ARHGEF12: variants seen among roughly 807,000 people sequenced by gnomAD.
ARHGEF12 encodes KMT2A/ARHGEF12 fusion protein.
A neutral mutation model predicts 211.2 loss-of-function variants in ARHGEF12; 66 were observed. The observed-to-expected ratio is 0.31, with a 90% confidence interval of 0.26 to 0.38. The LOEUF (loss-of-function observed/expected upper bound fraction) is 0.38. ARHGEF12 is among the 10% of genes least tolerant of loss of function. The probability of loss-of-function intolerance (pLI) is 1.00; values close to 1 mark genes in which losing one functional copy is unlikely to be tolerated. For synonymous variants in ARHGEF12, 592 were observed against 638.4 expected, an observed-to-expected ratio of 0.93 and a Z score of 1.09; for missense variants, 1,429 against 1,869.5, an observed-to-expected ratio of 0.76 and a Z score of 4.34.
At chr11:120,410,164 A>G (rs1176128868) in intron 4 of ARHGEF12, 1 of 152,172 alleles carries the variant, frequency 6.6e-6, no homozygotes, top group Non-Finnish European at 1.5e-5. Context: ...TAATATTTCT[A>G]GACTGTGTCC....
intron 7 of ARHGEF12, among the ~76,000 whole-genome samples, chr11:120,427,856 G>A (rs555960297): frequency 3.1e-4 from 47 of 151,928 alleles, no homozygotes; most frequent in Middle Eastern, 3.4e-3. Flanking sequence ...ATCTGAAAAC[G>A]GCATCATTCT....
At chr11:120,395,249 A>G (rs1944347191) in intron 1 of ARHGEF12, among the ~76,000 whole-genome samples, 1 of 152,002 alleles carries the variant, frequency 6.6e-6, no homozygotes, top group Admixed American at 6.6e-5. Flanking sequence ...GTGTGTATGT[A>G]TGTGTGTGTA....
chr11:120,406,615 G>T (rs1267537257), intron 2 of ARHGEF12, among the ~76,000 whole-genome samples: 2 of 152,090 alleles, frequency 1.3e-5, no homozygotes, highest in African/African-American at 4.8e-5. Flanking sequence ...CTGGAGTGCA[G>T]TGGCGCGATC....
At chr11:120,472,741 G>A (rs561937813) in intron 30 of ARHGEF12, among the ~76,000 whole-genome samples, 1 of 151,724 alleles carries the variant, frequency 6.6e-6, no homozygotes, top group South Asian at 2.1e-4. Context: ...TGCAAGCTCC[G>A]CCTCCCAGGT....
chr11:120,487,175 C>T lies in ARHGEF12; in HGVS notation c.*2098C>T, dbSNP rs374203951. On this transcript the variant is annotated 3_prime_UTR_variant, in exon 41 of 41. Coordinates refer to ENST00000397843, the MANE Select transcript of ARHGEF12 (RefSeq NM_015313.3). ...CACACTACAGGGTAATTATGTAATT[C>T]TCTAGCACTCAATTAAGAAGCTTGT... 1.6e-4 allele frequency: 36 copies of T among 218,430 alleles called. No individual in the cohort carries two copies. In the East Asian group the frequency reaches 2.1e-3, roughly 13 times the overall value. The allele number at this position is 218,430 out of a possible 1,614,324, so 13.5% of individuals were successfully genotyped here.
intron 34 of ARHGEF12, 67 bp from the exon 35 acceptor site, chr11:120,477,152 T>C: frequency 7.7e-7 from 1 of 1,300,872 alleles, no homozygotes; most frequent in Non-Finnish European, 1.1e-6. Flanking sequence ...TTTTGCTTTC[T>C]GAGTATATTT....
intron 24 of ARHGEF12, 90 bp from the exon 25 acceptor site, chr11:120,457,990 G>C: frequency 6.9e-7 from 1 of 1,439,454 alleles, no homozygotes; most frequent in Admixed American, 2.4e-5. Flanking sequence ...TCAGGAATCT[G>C]ATTAGAATTT....
chr11:120,449,359 G>A (rs919543061), intron 21 of ARHGEF12, 145 bp downstream of exon 21: 9 of 652,956 alleles, frequency 1.4e-5, no homozygotes, highest in Admixed American at 3.0e-5. Context: ...TCCATTCAGC[G>A]TTATTTCTGA....
At position 120,465,003 on chromosome 11, in the gene ARHGEF12, C is replaced by CT. The variant is rs1555119827; in HGVS notation, c.2614-234_2614-233insT. 707 of 476,728 alleles carry CT rather than the reference C, an allele frequency of 1.5e-3. 14 individuals are homozygous for CT. Among genetic ancestry groups the CT allele is most frequent in the Non-Finnish European group, 2.8e-4 (79 of 277,676 alleles). 29.5% of individuals were successfully genotyped at this position (476,728 alleles called of 1,614,324 possible). On this transcript the variant is annotated intron_variant, in intron 27 of 40. Transcript: ENST00000397843. Reference sequence around the variant, plus strand: ...CCTGGGCGACAGAGCAACACTGTCTCAAAAAAAAGAAAAAAAAAAGAAGAA... The same window carrying CT: ...CCTGGGCGACAGAGCAACACTGTCTCTAAAAAAAAGAAAAAAAAAAGAAGAA...
chr11:120,342,367 CT>C (rs1306949906), intron 1 of ARHGEF12, among the ~76,000 whole-genome samples: 1 of 152,160 alleles, frequency 6.6e-6, no homozygotes, highest in African/African-American at 2.4e-5. Context: ...TTACGTCTAA[CT>C]TTTCTTTTAA....
At chr11:120,390,643 T>A (rs1944183451) in intron 1 of ARHGEF12, among the ~76,000 whole-genome samples, 1 of 152,198 alleles carries the variant, frequency 6.6e-6, no homozygotes, top group African/African-American at 2.4e-5. Context: ...CCTAAGTATC[T>A]TGTCATTATA....
At chr11:120,431,664 T>C in intron 10 of ARHGEF12, 107 bp from the exon 11 acceptor site, 51 of 1,235,720 alleles carry the variant, frequency 4.1e-5, no homozygotes, top group Admixed American at 7.0e-5. Flanking sequence ...GTCCAACTTT[T>C]AGTAGTCTCC....
At chr11:120,467,341 GAAC>G (rs763876023) in intron 29 of ARHGEF12, 33 bp downstream of exon 29, 18 of 1,375,008 alleles carry the variant, frequency 1.3e-5, no homozygotes, top group Non-Finnish European at 1.8e-5. Flanking sequence ...AAAAGCTTAA[GAAC>G]AACAACAACG....
At chr11:120,370,830 CA>C in intron 1 of ARHGEF12, among the ~76,000 whole-genome samples, 1 of 151,902 alleles carries the variant, frequency 6.6e-6, no homozygotes, top group African/African-American at 2.4e-5. Flanking sequence ...AACCTCCTTT[CA>C]TTTTTTTTTT....
rs55651421 is a variant in ARHGEF12 at position 120,347,270 on chromosome 11, CTGTGTGTGTGTGTG to C, written c.32+10019_32+10032del. ...TTTCTCTCTCTCTCTCTCTCTCTGT[CTGTGTGTGTGTGTG>C]TGTGTGTGTGTGTGTGTGTGTGTAG... is the stretch of plus-strand genomic sequence containing the variant. On this transcript the variant is annotated intron_variant, in intron 1 of 40. Transcript: ENST00000397843. Among the ~76,000 whole-genome samples, 14 of 79,878 alleles carry C rather than the reference CTGTGTGTGTGTGTG, an allele frequency of 1.8e-4. 1 individual carries two copies. The highest frequency in any genetic ancestry group is 1.6e-3 in the South Asian group (5 of 3,108). 52.4% of individuals were successfully genotyped at this position (79,878 alleles called of 152,430 possible). A position where few individuals can be genotyped will look rare whatever the true frequency, so the allele number is the denominator to read the frequency against.
chr11:120,379,490 A>G lies in ARHGEF12; in HGVS notation c.33-26628A>G, dbSNP rs551449966. 2.4e-3 allele frequency among the ~76,000 whole-genome samples: 365 copies of G among 152,068 alleles called. 1 individual carries two copies. The highest frequency in any genetic ancestry group is 8.4e-3 in the African/African-American group (349 of 41,524). Reference sequence around the variant, plus strand: ...TTTCATTGTTCTCAATCTTATGGAAAGCATTCAGTATTTTACCATTAAGTA... The same window carrying G: ...TTTCATTGTTCTCAATCTTATGGAAGGCATTCAGTATTTTACCATTAAGTA... On this transcript the variant is annotated intron_variant, in intron 1 of 40. Transcript: ENST00000397843.
At chr11:120,386,620 T>C (rs919788884) in intron 1 of ARHGEF12, among the ~76,000 whole-genome samples, 2 of 152,122 alleles carry the variant, frequency 1.3e-5, no homozygotes, top group Admixed American at 1.3e-4. Flanking sequence ...TAGTAAAGGA[T>C]ATAAAAAACT....
intron 7 of ARHGEF12, among the ~76,000 whole-genome samples, chr11:120,425,225 G>C (rs1238328432): frequency 6.6e-6 from 1 of 152,158 alleles, no homozygotes; most frequent in African/African-American, 2.4e-5. Flanking sequence ...TGGTGATGGG[G>C]TGGGTCATCT....
intron 11 of ARHGEF12, among the ~76,000 whole-genome samples, chr11:120,435,512 CT>C (rs61516865): frequency 0.015 from 1,599 of 106,194 alleles, 8 homozygotes; most frequent in African/African-American, 0.048. Flanking sequence ...CCCTGTCAAG[CT>C]TTTTTTTTTT....
Sources: allele counts gnomAD v4.1 joint callset (sites outside exome capture counted in the v4.1 genomes callset), GRCh38; gene constraint gnomAD v4.1.1; transcripts MANE v1.5; gene names NCBI Gene and HGNC (gene_info 2026-07-23, HGNC 2026-07-21).